Variants in BICC1 observed in about 807,000 individuals in gnomAD.
BICC1 encodes protein bicaudal C homolog 1.
In BICC1, 43 loss-of-function variants were observed where a neutral mutation model predicts 111.0. The observed-to-expected ratio is 0.39, with a 90% CI of 0.30 to 0.50. BICC1 has a LOEUF of 0.50. Ranked by LOEUF, BICC1 falls within the 20% of genes least tolerant of loss-of-function variation. The pLI is 0.88. For synonymous variants in BICC1, 467 were observed against 434.4 expected (o/e 1.07, Z -0.93); for missense variants, 1,091 against 1,203.2 (o/e 0.91, Z 1.38).
At chr10:58,665,791 G>A (rs1588992567) in intron 2 of BICC1, among the ~76,000 whole-genome samples, 1 of 152,094 alleles carries the variant, frequency 6.6e-6, no homozygotes. Context: ...ACATTTTGCT[G>A]GCAAATGCTG....
intron 3 of BICC1, among the ~76,000 whole-genome samples, chr10:58,755,747 T>C (rs532837932): frequency 6.6e-6 from 1 of 152,122 alleles, no homozygotes; most frequent in African/African-American, 2.4e-5. Flanking sequence ...TTCAGTTGGG[T>C]TTTGGGAAAC....
intron 1 of BICC1, among the ~76,000 whole-genome samples, chr10:58,601,142 ATATATATATATATATATAT>A (rs1845016746): frequency 1.7e-5 from 2 of 119,524 alleles, no homozygotes; most frequent in East Asian, 2.6e-4. Flanking sequence ...TTTAAAACTT[ATATATATATATATATATAT>A]ATATATATAT....
chr10:58,540,755 C>T (rs1175013124), intron 1 of BICC1, among the ~76,000 whole-genome samples: 1 of 152,018 alleles, frequency 6.6e-6, no homozygotes, highest in African/African-American at 2.4e-5. Flanking sequence ...CAAACTCATT[C>T]TACAAGGTCA....
At chr10:58,724,330 C>T (rs969041069) in intron 3 of BICC1, among the ~76,000 whole-genome samples, 1 of 152,086 alleles carries the variant, frequency 6.6e-6, no homozygotes, top group East Asian at 1.9e-4. Flanking sequence ...GGAAATCAAA[C>T]TATTCTCAGA....
At chr10:58,776,557 G>T (rs1384534037) in intron 3 of BICC1, among the ~76,000 whole-genome samples, 2 of 152,254 alleles carry the variant, frequency 1.3e-5, no homozygotes, top group Admixed American at 1.3e-4. Flanking sequence ...ATTGAGTATT[G>T]GACTGGGATG....
intron 2 of BICC1, among the ~76,000 whole-genome samples, chr10:58,644,610 G>C (rs1043191387): frequency 2.0e-5 from 3 of 152,078 alleles, no homozygotes; most frequent in African/African-American, 7.2e-5. Flanking sequence ...CTAGGGCCAC[G>C]TTAGAGTGAT....
At position 58,710,594 on chromosome 10, in the gene BICC1, T is replaced by C. The variant is rs550274137; in HGVS notation, c.307+8451T>C. On this transcript the variant is annotated intron_variant, in intron 3 of 20. Coordinates refer to ENST00000373886, the MANE Select transcript of BICC1 (RefSeq NM_001080512.3). ...TGCTTGCCTCTGAATTTTACCTTGC[T>C]ATTTCATGCCATGTGTTATTTCCTT... 3.3e-5 allele frequency among the ~76,000 whole-genome samples: 5 copies of C among 152,358 alleles called. No individual in the cohort carries two copies. The East Asian group carries it at 9.6e-4, about 29-fold the overall frequency.
intron 2 of BICC1, among the ~76,000 whole-genome samples, chr10:58,626,994 C>T (rs1039198237): frequency 3.9e-5 from 6 of 151,928 alleles, no homozygotes; most frequent in African/African-American, 1.2e-4. Flanking sequence ...CCGATCTACT[C>T]GGGAGGCTGA....
chr10:58,672,560 T>C (rs1481234461), intron 2 of BICC1, among the ~76,000 whole-genome samples: 1 of 152,168 alleles, frequency 6.6e-6, no homozygotes, highest in African/African-American at 2.4e-5. Context: ...CATTGCACTT[T>C]GTAAATTTTT....
At position 58,830,203 on chromosome 10, in the gene BICC1, C is replaced by G. The variant is rs1844517230; in HGVS notation, c.*1312C>G. ...CTAGAGTCATTATTACAATCTTATACTGTGAAAGTCCAAGAAATCAGGCAA... is the reference window on the plus strand; with the variant it reads ...CTAGAGTCATTATTACAATCTTATAGTGTGAAAGTCCAAGAAATCAGGCAA... On this transcript the variant is annotated 3_prime_UTR_variant, in exon 21 of 21. Coordinates refer to ENST00000373886, the MANE Select transcript of BICC1 (RefSeq NM_001080512.3). 1 of 152,014 alleles carries G rather than the reference C, an allele frequency of 6.6e-6. No homozygotes were observed. Among genetic ancestry groups the G allele is most frequent in the Admixed American group, 6.6e-5 (1 of 15,246 alleles). 9.4% of individuals were successfully genotyped at this position (152,014 alleles called of 1,614,324 possible). A position where few individuals can be genotyped will look rare whatever the true frequency, so the allele number is the denominator to read the frequency against.
intron 16 of BICC1, 41 bp downstream of exon 16, chr10:58,806,664 G>T: frequency 6.6e-7 from 1 of 1,504,206 alleles, no homozygotes; most frequent in Admixed American, 1.7e-5. Flanking sequence ...CTATATTTTA[G>T]TACACTCATA....
At chr10:58,825,027 C>CTA (rs1330776697) in intron 20 of BICC1, among the ~76,000 whole-genome samples, 3 of 152,158 alleles carry the variant, frequency 2.0e-5, no homozygotes, top group Non-Finnish European at 4.4e-5. Context: ...TCAGAGTACT[C>CTA]TAATTTCTTT....
intron 1 of BICC1, among the ~76,000 whole-genome samples, chr10:58,611,532 G>A (rs1845419696): frequency 6.6e-6 from 1 of 150,972 alleles, no homozygotes; most frequent in Non-Finnish European, 1.5e-5. Context: ...CTGGAGTACA[G>A]TGTCATGATT....
At chr10:58,531,076 G>C (rs1842670522) in intron 1 of BICC1, among the ~76,000 whole-genome samples, 1 of 151,842 alleles carries the variant, frequency 6.6e-6, no homozygotes, top group South Asian at 2.1e-4. Context: ...AAAAAGTCCA[G>C]TGACTGGTTT....
intron 1 of BICC1, among the ~76,000 whole-genome samples, chr10:58,519,547 A>C (rs909250365): frequency 6.6e-6 from 1 of 152,154 alleles, no homozygotes; most frequent in Non-Finnish European, 1.5e-5. Context: ...CTGTGCTGAT[A>C]ATCTGTAGGA....
chr10:58,743,475 T>TC (rs1479760269), intron 3 of BICC1, among the ~76,000 whole-genome samples: 2 of 151,828 alleles, frequency 1.3e-5, no homozygotes, highest in East Asian at 3.9e-4. Flanking sequence ...GATTTTTTTT[T>TC]TTTTTTGGAT....
intron 1 of BICC1, among the ~76,000 whole-genome samples, chr10:58,586,061 G>A (rs1426517427): frequency 1.3e-5 from 2 of 152,086 alleles, no homozygotes; most frequent in Non-Finnish European, 2.9e-5. Context: ...TTTCTACACT[G>A]GAAAGTGATA....
At chr10:58,816,891 T>G (rs148945133) in intron 18 of BICC1, among the ~76,000 whole-genome samples, 169 of 151,928 alleles carry the variant, frequency 1.1e-3, no homozygotes, top group African/African-American at 3.9e-3. Context: ...GCCCACCAAA[T>G]CAGTTGCAGA....
At chr10:58,576,605 A>C (rs994899842) in intron 1 of BICC1, among the ~76,000 whole-genome samples, 1 of 152,198 alleles carries the variant, frequency 6.6e-6, no homozygotes, top group Non-Finnish European at 1.5e-5. Flanking sequence ...TTTAAACTAG[A>C]GAATTATTTG....
Sources: allele counts gnomAD v4.1 joint callset (sites outside exome capture counted in the v4.1 genomes callset), GRCh38; gene constraint gnomAD v4.1.1; transcripts MANE v1.5; gene names NCBI Gene and HGNC (gene_info 2026-07-23, HGNC 2026-07-21).